DGKI: variants seen among roughly 807,000 people sequenced by gnomAD.
The protein encoded by DGKI is diacylglycerol kinase iota.
Under a neutral mutation model 147.5 loss-of-function variants are expected in DGKI, and 55 were observed. The observed-to-expected ratio is 0.37, with a 90% confidence interval of 0.30 to 0.47. DGKI has a LOEUF of 0.47. DGKI is among the 20% of genes least tolerant of loss of function. The pLI is 1.00. For synonymous variants in DGKI, 469 were observed against 477.1 expected (o/e 0.98, Z 0.22); for missense variants, 1,007 against 1,323.8 (o/e 0.76, Z 3.71).
chr7:137,584,926 ATGAT>A (rs1239699922), intron 14 of DGKI, among the ~76,000 whole-genome samples: 2 of 152,204 alleles, frequency 1.3e-5, no homozygotes, highest in Non-Finnish European at 2.9e-5. Context: ...ATTAACATGA[ATGAT>A]TAAGACAAAA....
At chr7:137,633,112 T>C (rs1380783714) in intron 6 of DGKI, among the ~76,000 whole-genome samples, 1 of 149,908 alleles carries the variant, frequency 6.7e-6, no homozygotes, top group Middle Eastern at 3.2e-3. Flanking sequence ...CTTGGGCCAC[T>C]GAGGCAGGAG....
intron 5 of DGKI, among the ~76,000 whole-genome samples, chr7:137,646,800 C>G (rs1267302649): frequency 2.0e-5 from 3 of 151,936 alleles, no homozygotes; most frequent in South Asian, 4.2e-4. Flanking sequence ...TACAGATGGA[C>G]AGAAAATAGA....
intron 30 of DGKI, among the ~76,000 whole-genome samples, chr7:137,403,558 A>G (rs1267810970): frequency 6.6e-6 from 1 of 152,168 alleles, no homozygotes; most frequent in Admixed American, 6.5e-5. Flanking sequence ...GCTCAGGAGT[A>G]AGGCTGCAGG....
chr7:137,596,578 A>C (rs1819805919), intron 12 of DGKI, among the ~76,000 whole-genome samples: 1 of 152,164 alleles, frequency 6.6e-6, no homozygotes, highest in African/African-American at 2.4e-5. Context: ...ATTTTGAAAA[A>C]CGTTGGGTTT....
intron 28 of DGKI, among the ~76,000 whole-genome samples, chr7:137,423,152 G>A (rs1015480427): frequency 6.6e-6 from 1 of 152,166 alleles, no homozygotes; most frequent in African/African-American, 2.4e-5. Context: ...CTATAATCCT[G>A]AGAGGGTAAG....
intron 1 of DGKI, among the ~76,000 whole-genome samples, chr7:137,828,490 C>T (rs1012820481): frequency 3.9e-5 from 6 of 152,138 alleles, no homozygotes; most frequent in Non-Finnish European, 7.3e-5. Context: ...GCACTCAGTG[C>T]GTGGAAGAGC....
At chr7:137,780,546 A>G (rs1202079946) in intron 1 of DGKI, among the ~76,000 whole-genome samples, 1 of 152,164 alleles carries the variant, frequency 6.6e-6, no homozygotes, top group African/African-American at 2.4e-5. Context: ...TTCATAAAGA[A>G]AGCGTGGTTT....
chr7:137,617,984 A>G (rs1363367833), intron 8 of DGKI, among the ~76,000 whole-genome samples: 1 of 150,028 alleles, frequency 6.7e-6, no homozygotes, highest in African/African-American at 2.4e-5. Flanking sequence ...GGGTTTCTTA[A>G]GGTTTAGAAG....
intron 21 of DGKI, among the ~76,000 whole-genome samples, chr7:137,512,378 C>A (rs975509991): frequency 2.0e-5 from 3 of 152,236 alleles, no homozygotes; most frequent in Middle Eastern, 3.4e-3. Context: ...TGTGACTCTG[C>A]AATGGCCAAC....
rs186064064 is a variant in DGKI, at chr7:137,733,087, A to G, written c.402-43085T>C. ...AAATTTTTTTTTTTTGGTAAAATAC[A>G]TATAACATAAAATGTATCATTTAAA... On this transcript the variant is annotated intron_variant, in intron 1 of 32. Transcript: ENST00000614521. Among the ~76,000 whole-genome samples, 58 of 152,042 alleles carry G rather than the reference A, an allele frequency of 3.8e-4. 2 individuals are homozygous for G. The East Asian group carries it at 0.01, about 27-fold the overall frequency.
intron 11 of DGKI, among the ~76,000 whole-genome samples, chr7:137,599,098 A>G (rs1819896027): frequency 6.6e-6 from 1 of 152,196 alleles, no homozygotes; most frequent in Non-Finnish European, 1.5e-5. Context: ...GTGTTCTAAC[A>G]TTTATCAGAT....
intron 21 of DGKI, among the ~76,000 whole-genome samples, chr7:137,489,024 T>C (rs1250005389): frequency 2.6e-5 from 4 of 152,120 alleles, no homozygotes; most frequent in African/African-American, 2.4e-5. Context: ...AGAGTTTGTA[T>C]CTCAATGTTA....
At chr7:137,530,898 CA>C (rs1817316239) in intron 20 of DGKI, among the ~76,000 whole-genome samples, 1 of 152,200 alleles carries the variant, frequency 6.6e-6, no homozygotes, top group South Asian at 2.1e-4. Context: ...CTGCTTAATA[CA>C]AAAGAGAAGA....
At chr7:137,745,359 GT>G (rs1424658404) in intron 1 of DGKI, among the ~76,000 whole-genome samples, 5 of 152,164 alleles carry the variant, frequency 3.3e-5, no homozygotes, top group Non-Finnish European at 5.9e-5. Context: ...AAATGCAGTA[GT>G]CCCCCCTTAT....
intron 6 of DGKI, among the ~76,000 whole-genome samples, chr7:137,625,107 A>G (rs910333835): frequency 6.6e-6 from 1 of 152,236 alleles, no homozygotes; most frequent in African/African-American, 2.4e-5. Context: ...CAAAAACCTA[A>G]GCGGTATTTT....
intron 1 of DGKI, among the ~76,000 whole-genome samples, chr7:137,697,343 T>A (rs1185524327): frequency 6.6e-6 from 1 of 152,148 alleles, no homozygotes; most frequent in Non-Finnish European, 1.5e-5. Flanking sequence ...CAGAAACACA[T>A]TCCCATGAAA....
chr7:137,844,685 T>A (rs1344125641), intron 1 of DGKI, among the ~76,000 whole-genome samples: 2 of 152,228 alleles, frequency 1.3e-5, no homozygotes, highest in African/African-American at 4.8e-5. Flanking sequence ...GTGTACACAC[T>A]TACACGTGCA....
At chr7:137,529,478 T>C (rs1817265304) in intron 20 of DGKI, among the ~76,000 whole-genome samples, 1 of 152,166 alleles carries the variant, frequency 6.6e-6, no homozygotes, top group South Asian at 2.1e-4. Context: ...ATGGTTATTC[T>C]AGAGTGTGTT....
At chr7:137,581,481 G>C (rs1252991607) in intron 15 of DGKI, among the ~76,000 whole-genome samples, 1 of 152,110 alleles carries the variant, frequency 6.6e-6, no homozygotes, top group Non-Finnish European at 1.5e-5. Context: ...TGAAGCTAAA[G>C]AATATCCTAG....
Sources: allele counts gnomAD v4.1 joint callset (sites outside exome capture counted in the v4.1 genomes callset), GRCh38; gene constraint gnomAD v4.1.1; transcripts MANE v1.5; gene names NCBI Gene and HGNC (gene_info 2026-07-23, HGNC 2026-07-21).